The following CELSR3 variants were observed in gnomAD, a reference collection of about 807,000 sequenced individuals.
CELSR3 encodes cadherin EGF LAG seven-pass G-type receptor 3.
In CELSR3, 73 loss-of-function variants were observed where a neutral mutation model predicts 270.0. The observed-to-expected ratio is 0.27, with a 90% CI of 0.22 to 0.33. The LOEUF is 0.33. CELSR3 is among the 10% of genes least tolerant of loss of function. The pLI, the probability that CELSR3 is intolerant of heterozygous loss-of-function variation, is 1.00. For synonymous variants in CELSR3, 1,780 were observed against 1,905.4 expected (o/e 0.93, Z 1.71); for missense variants, 3,614 against 4,533.8 (o/e 0.80, Z 5.83).
At position 48,656,762 on chromosome 3, in the gene CELSR3, G is replaced by A; in HGVS notation, c.4335C>T (p.Arg1445=). The A allele has an allele frequency of 6.4e-7, 1 of 1,557,170 alleles. No individual in the cohort carries two copies. The highest frequency in any genetic ancestry group is 8.7e-7 in the Non-Finnish European group (1 of 1,152,340). Residue 1445 remains arginine (R), a synonymous_variant, in exon 2 of 35, where the codon CGC becomes CGT. Transcript: ENST00000164024. ...ELDLCYSNPC[R]NGGACARREG... ...CGCGCCGCGCGCAGGCTCCGCCGTT[G>A]CGACATGGGTTGGAGTAGCAGAGGT... is the stretch of plus-strand genomic sequence containing the variant.
chr3:48,656,636 T>C (rs2077025572), intron 2 of CELSR3, 62 bp downstream of exon 2: 8 of 1,437,062 alleles, frequency 5.6e-6, no homozygotes, highest in African/African-American at 1.4e-5. Context: ...TCACTCGCAT[T>C]GTGGTCCCGC....
In CELSR3 at chr3:48,636,892, A is replaced by G. The variant is rs778851650; in HGVS notation, c.*1313T>C. On this transcript the variant is annotated 3_prime_UTR_variant, in exon 35 of 35. Transcript: ENST00000164024. ...ACTCAAGGCTGACCTTCGGCCTGGG[A>G]GACCTGGGGGTTAGAAAACCCCTCA... The G allele has an allele frequency of 6.6e-6, 1 of 152,210 alleles. No homozygotes were observed. The highest frequency in any genetic ancestry group is 2.4e-5 in the African/African-American group (1 of 41,434). 9.4% of individuals were successfully genotyped at this position (152,210 alleles called of 1,614,324 possible). A position where few individuals can be genotyped will look rare whatever the true frequency, so the allele number is the denominator to read the frequency against.
Position 48,647,972 on chromosome 3 carries a change from T to G in CELSR3, c.6998A>C (p.His2333Pro), listed in dbSNP as rs764487422. Residue 2333 changes from histidine to proline, a missense_variant, in exon 20 of 35, where the codon CAC becomes CCC. Coordinates refer to ENST00000164024, the MANE Select transcript of CELSR3 (RefSeq NM_001407.3). ...NIMLSIDRME[H>P]PSSPRGARRY... ...ACGGGCCCCCCGGGGAGAACTGGGG[T>G]GCTCCATGCGGTCAATGCTGAGCAC... 6.2e-7 allele frequency: 1 copy of G among 1,611,878 alleles called. No individual in the cohort carries two copies. Among genetic ancestry groups the G allele is most frequent in the South Asian group, 1.1e-5 (1 of 91,064 alleles).
rs1224119167 is a variant in CELSR3 at position 48,639,449 on chromosome 3, G to T, written c.9911+225C>A. 6.6e-6 allele frequency among the ~76,000 whole-genome samples: 1 copy of T among 152,130 alleles called. No individual in the cohort carries two copies. Among genetic ancestry groups the T allele is most frequent in the African/African-American group, 2.4e-5 (1 of 41,400 alleles). Reference sequence around the variant, plus strand: ...CCTTAGCCTGGGAGGTGCTGGGAAGGCTGGCTGGCTCCAGTCACACAGCCA... The same window carrying T: ...CCTTAGCCTGGGAGGTGCTGGGAAGTCTGGCTGGCTCCAGTCACACAGCCA... On this transcript the variant is annotated intron_variant, in intron 34 of 34. Coordinates refer to ENST00000164024, the MANE Select transcript of CELSR3 (RefSeq NM_001407.3). This position sits in a 1 kb window ranked among gnomAD's most constrained non-coding sequence, Gnocchi z 4.1.
Position 48,656,888 on chromosome 3 carries a change from C to A in CELSR3, c.4209G>T (p.Leu1403=). 2 of 1,609,734 alleles carry A rather than the reference C, an allele frequency of 1.2e-6. No homozygotes were observed. The highest frequency in any genetic ancestry group is 1.7e-6 in the Non-Finnish European group (2 of 1,177,962). The part of the protein sequence containing the change: ...VLRFDSSAPF[L]ASASTLFRPI... ...GTCGGAACAGCGTGGAGGCCGAGGC[C>A]AGGAAGGGCGCGGACGAGTCAAAGC... The change falls in exon 2 of 35, where the codon CTG becomes CTT. Residue 1403 remains leucine, a synonymous_variant. Transcript: ENST00000164024.
At position 48,645,470 on chromosome 3, in the gene CELSR3, C is replaced by T; in HGVS notation, c.7770G>A (p.Leu2590=). The T allele has an allele frequency of 6.2e-7, 1 of 1,612,868 alleles. No individual in the cohort carries two copies. The highest frequency in any genetic ancestry group is 2.2e-5 in the East Asian group (1 of 44,884). ...GATTGTGGGTCCTGTGAATCCCCAG[C>T]AGGAAGAGGAGCTCTGCCACCCCCA... is the stretch of plus-strand genomic sequence containing the variant. The part of the protein sequence containing the change: ...AALGVAELLF[L]LGIHRTHNQL... The change falls in exon 24 of 35, where the codon CTG becomes CTA. Residue 2590 remains leucine (L), a synonymous_variant. Coordinates refer to ENST00000164024, the MANE Select transcript of CELSR3 (RefSeq NM_001407.3). This position sits in a 1 kb window ranked among gnomAD's most constrained non-coding sequence, Gnocchi z 5.4.
rs2077044309 is a variant in CELSR3, at chr3:48,658,839, C to T, written c.3748+48G>A. The T allele has an allele frequency of 6.3e-7, 1 of 1,589,576 alleles. No homozygotes were observed. Among genetic ancestry groups the T allele is most frequent in the East Asian group, 2.2e-5 (1 of 44,698 alleles). On this transcript the variant is annotated intron_variant, in intron 1 of 34. Coordinates refer to ENST00000164024, the MANE Select transcript of CELSR3 (RefSeq NM_001407.3). This position sits in a 1 kb window ranked among gnomAD's most constrained non-coding sequence, Gnocchi z 4.7. The stretch of plus-strand genomic sequence containing the variant: ...AGGTGCCCTGTGGAGTCCCTGAGGC[C>T]CAACAGGTTGGTGTCACTGGGTCAC...
Position 48,656,750 on chromosome 3 carries a change from G to A in CELSR3, c.4347C>T (p.Ala1449=), listed in dbSNP as rs2077026409. The change falls in exon 2 of 35, where the codon GCC becomes GCT. Residue 1449 remains alanine, a synonymous_variant. Transcript: ENST00000164024. Reference sequence around the variant, plus strand: ...TGTAGCCTCCCTCGCGCCGCGCGCAGGCTCCGCCGTTGCGACATGGGTTGG... The same window carrying A: ...TGTAGCCTCCCTCGCGCCGCGCGCAAGCTCCGCCGTTGCGACATGGGTTGG... ...CYSNPCRNGG[A]CARREGGYTC... 1 of 1,541,818 alleles carries A rather than the reference G, an allele frequency of 6.5e-7. No individual in the cohort carries two copies. Among genetic ancestry groups the A allele is most frequent in the Non-Finnish European group, 8.7e-7 (1 of 1,145,816 alleles).
chr3:48,655,009 CAGGGGACA>C lies in CELSR3; in HGVS notation c.4988+27_4988+34del. 1 of 1,604,362 alleles carries C rather than the reference CAGGGGACA, an allele frequency of 6.2e-7. No individual in the cohort carries two copies. Among genetic ancestry groups the C allele is most frequent in the Non-Finnish European group, 8.5e-7 (1 of 1,172,212 alleles). ...AAGGGTTGGAGTGGGCTTTGGTAGG[CAGGGGACA>C]AGGGGACTAGGGGGCAGGGGCCTCA... On this transcript the variant is annotated intron_variant, in intron 6 of 34. Coordinates refer to ENST00000164024, the MANE Select transcript of CELSR3 (RefSeq NM_001407.3). This position sits in a 1 kb window ranked among gnomAD's most constrained non-coding sequence, Gnocchi z 5.8.
rs1479729395 is a variant in CELSR3 at position 48,661,138 on chromosome 3, G to A, written c.1497C>T (p.Gly499=). 1.2e-6 allele frequency: 2 copies of A among 1,606,948 alleles called. No homozygotes were observed. The highest frequency in any genetic ancestry group is 1.7e-5 in the Admixed American group (1 of 59,026). The change falls in exon 1 of 35, where the codon GGC becomes GGT. Residue 499 remains glycine (G), a synonymous_variant. Transcript: ENST00000164024. Reference sequence around the variant, plus strand: ...TTTCCATGTGCTCGCGGTCCACTCGGCCGCTGGTGCTGATGAGGCCGGAGC... The same window carrying A: ...TTTCCATGTGCTCGCGGTCCACTCGACCGCTGGTGCTGATGAGGCCGGAGC... ...DPRSGLISTS[G]RVDREHMESY...
Position 48,648,432 on chromosome 3 carries a change from A to G in CELSR3, c.6807T>C (p.Leu2269=). 6.3e-7 allele frequency: 1 copy of G among 1,596,136 alleles called. No homozygotes were observed. Among genetic ancestry groups the G allele is most frequent in the Non-Finnish European group, 8.5e-7 (1 of 1,172,958 alleles). The change falls in exon 19 of 35, where the codon CTT becomes CTC. Residue 2269 remains leucine (L), a synonymous_variant. Transcript: ENST00000164024. ...ENLLWAGSAL[L]APETGDLWAA... ...CCCACAAGTCCCCTGTCTCTGGGGC[A>G]AGCAGTGCAGAGCCGGCCCACAGCA...
chr3:48,656,501 G>T, intron 2 of CELSR3, 136 bp from the exon 3 acceptor site: 2 of 1,118,456 alleles, frequency 1.8e-6, no homozygotes, highest in Non-Finnish European at 2.4e-6. Context: ...CGCCCCTTCC[G>T]TCTGGCCCCG....
In CELSR3 at chr3:48,655,419, C is replaced by A. The variant is rs1274945032; in HGVS notation, c.4742-25G>T. 2.5e-6 allele frequency: 4 copies of A among 1,612,534 alleles called. No individual in the cohort carries two copies. The East Asian group carries it at 8.9e-5, about 36-fold the overall frequency. ...CCTGGAGGGGAGATGCATGTGGAAT[C>A]ATCAGGAGCAGCGGAGTCGCCCCAT... On this transcript the variant is annotated intron_variant, in intron 4 of 34. Coordinates refer to ENST00000164024, the MANE Select transcript of CELSR3 (RefSeq NM_001407.3). This position sits in a 1 kb window ranked among gnomAD's most constrained non-coding sequence, Gnocchi z 5.8.
chr3:48,648,280 A>G lies in CELSR3; in HGVS notation c.6959T>C (p.Val2320Ala), dbSNP rs1478414043. 6.8e-7 allele frequency: 1 copy of G among 1,479,934 alleles called. No homozygotes were observed. Among genetic ancestry groups the G allele is most frequent in the Admixed American group, 1.8e-5 (1 of 55,590 alleles). 91.7% of individuals were successfully genotyped at this position (1,479,934 alleles called of 1,614,324 possible). The change falls in exon 19 of 35, where the codon GTG becomes GCG. Residue 2320 changes from valine to alanine, a missense_variant. Val to Ala is a moderately conservative substitution (Grantham distance 64). Coordinates refer to ENST00000164024, the MANE Select transcript of CELSR3 (RefSeq NM_001407.3). ...CCACAACGCACTGATATTAGGCGTC[A>G]CCAGCCCCATGGGATTCAGGTATGT... ...ELTYLNPMGL[V>A]TPNIMLSIDR...
In CELSR3 at chr3:48,648,736, C is replaced by T; in HGVS notation, c.6760G>A (p.Asp2254Asn). The T allele has an allele frequency of 6.2e-7, 1 of 1,612,046 alleles. No individual in the cohort carries two copies. Among genetic ancestry groups the T allele is most frequent in the Non-Finnish European group, 8.5e-7 (1 of 1,179,922 alleles). ...QQGFGLTATQ[D>N]AHFNENLLWA... is the part of the protein sequence containing the mutation. The stretch of plus-strand genomic sequence containing the variant: ...AGCCCCACCTCATTGAAGTGGGCAT[C>T]CTGTGTGGCTGTCAGCCCGAAGCCC... Residue 2254 changes from aspartate (D) to asparagine (N), a missense_variant, in exon 18 of 35, where the codon GAT (aspartate) becomes AAT (asparagine). By Grantham distance (23) the Asp-to-Asn change is conservative (BLOSUM62 1). This residue lies in a region of CELSR3 where 1,331 missense variants were observed against 1,933.7 expected (regional missense o/e 0.69). Coordinates refer to ENST00000164024, the MANE Select transcript of CELSR3 (RefSeq NM_001407.3).
At position 48,655,270 on chromosome 3, in the gene CELSR3, A is replaced by G. The variant is rs2047170302; in HGVS notation, c.4830+36T>C. The G allele has an allele frequency of 1.2e-6, 2 of 1,613,292 alleles. No individual in the cohort carries two copies. The highest frequency in any genetic ancestry group is 1.3e-5 in the African/African-American group (1 of 74,678). On this transcript the variant is annotated intron_variant, in intron 5 of 34. Coordinates refer to ENST00000164024, the MANE Select transcript of CELSR3 (RefSeq NM_001407.3). This position sits in a 1 kb window ranked among gnomAD's most constrained non-coding sequence, Gnocchi z 5.8. Reference sequence around the variant, plus strand: ...CTGAGGAGCAGAAGTCAGCATCCCAACTCCCCTCATACCCGATGCCAGGGA... The same window carrying G: ...CTGAGGAGCAGAAGTCAGCATCCCAGCTCCCCTCATACCCGATGCCAGGGA...
At position 48,655,868 on chromosome 3, in the gene CELSR3, G is replaced by A. The variant is rs2047175935; in HGVS notation, c.4626-17C>T. 1 of 1,361,184 alleles carries A rather than the reference G, an allele frequency of 7.3e-7. No homozygotes were observed. 84.3% of individuals were successfully genotyped at this position (1,361,184 alleles called of 1,614,324 possible). Reference sequence around the variant, plus strand: ...GTCGCGAACCTGGGCGGGGTGGGAGGGGGTTGCGGGGGTGGGAGCGTCAGG... The same window carrying A: ...GTCGCGAACCTGGGCGGGGTGGGAGAGGGTTGCGGGGGTGGGAGCGTCAGG... On this transcript the variant is annotated splice_polypyrimidine_tract_variant and intron_variant, in intron 3 of 34. Transcript: ENST00000164024. The surrounding 1 kb of genome is among the most constrained non-coding windows in gnomAD (Gnocchi z 5.8).
chr3:48,652,154 T>C lies in CELSR3; in HGVS notation c.5752-106A>G, dbSNP rs1472393011. 2.5e-6 allele frequency: 3 copies of C among 1,187,724 alleles called. No individual in the cohort carries two copies. The African/African-American group carries it at 4.7e-5, about 18-fold the overall frequency. 73.6% of individuals were successfully genotyped at this position (1,187,724 alleles called of 1,614,324 possible). On this transcript the variant is annotated intron_variant, in intron 11 of 34. Transcript: ENST00000164024. The surrounding 1 kb of genome is among the most constrained non-coding windows in gnomAD (Gnocchi z 4.3). Reference sequence around the variant, plus strand: ...TGATGATCCTTGACATGCAGTCTTCTGATACCCTCAAAAAACCCAGGCCTC... The same window carrying C: ...TGATGATCCTTGACATGCAGTCTTCCGATACCCTCAAAAAACCCAGGCCTC...
chr3:48,660,186 G>A lies in CELSR3; in HGVS notation c.2449C>T (p.Leu817=). Residue 817 remains leucine, a synonymous_variant, in exon 1 of 35, where the codon CTG becomes TTG. Transcript: ENST00000164024. The surrounding 1 kb of genome is among the most constrained non-coding windows in gnomAD (Gnocchi z 5.5). ...CGTTCCTGCTTGTAGTCCAGTGGCA[G>A]AGCCAGAGTCACCAGACCCACACCC... is the stretch of plus-strand genomic sequence containing the variant. ...QGGVGLVTLA[L]PLDYKQERYF... 1 of 1,614,118 alleles carries A rather than the reference G, an allele frequency of 6.2e-7. No individual in the cohort carries two copies. The highest frequency in any genetic ancestry group is 8.5e-7 in the Non-Finnish European group (1 of 1,180,038).
Sources: gnomAD v4.1 joint callset for allele counts (sites outside exome capture counted in the v4.1 genomes callset) on GRCh38, gnomAD v4.1.1 for gene constraint, gnomAD v4.1.1 regional missense constraint, Gnocchi (gnomAD v3.1) non-coding constraint, MANE v1.5 for transcripts, NCBI Gene and HGNC (gene_info 2026-07-23, HGNC 2026-07-21) for gene names.